The following TLE1 variants were observed in gnomAD, a reference collection of about 807,000 sequenced individuals.
TLE1 encodes the protein TLE family member 1, transcriptional corepressor.
Under a neutral mutation model 89.8 loss-of-function variants are expected in TLE1, and 21 were observed. The observed-to-expected ratio is 0.23, with a 90% confidence interval of 0.17 to 0.34. The LOEUF (loss-of-function observed/expected upper bound fraction) is 0.34, where lower values mean the gene tolerates loss of function less well. TLE1 is among the 10% of genes least tolerant of loss of function. The pLI is 1.00. For synonymous variants in TLE1, 447 were observed against 407.6 expected, an observed-to-expected ratio of 1.10 and a Z score of -1.16; for missense variants, 795 against 1,031.2, an observed-to-expected ratio of 0.77 and a Z score of 3.14.
chr9:81,651,462 G>A (rs1178261963), intron 6 of TLE1, among the ~76,000 whole-genome samples: 1 of 152,134 alleles, frequency 6.6e-6, no homozygotes, highest in South Asian at 2.1e-4. Flanking sequence ...CTGAACTCAA[G>A]AGAGGAGAGC....
chr9:81,584,327 A>G, intron 19 of TLE1, 22 bp from the exon 20 acceptor site: 1 of 1,611,646 alleles, frequency 6.2e-7, no homozygotes, highest in Admixed American at 1.7e-5. Context: ...AACAATGGAC[A>G]TGTGTTTAAT....
At chr9:81,643,985 T>G (rs1828497294) in intron 6 of TLE1, among the ~76,000 whole-genome samples, 1 of 152,184 alleles carries the variant, frequency 6.6e-6, no homozygotes, top group Admixed American at 6.5e-5. Flanking sequence ...ATACAGGTTT[T>G]GATTGAAAAG....
chr9:81,672,482 C>T (rs1246131400), intron 4 of TLE1, among the ~76,000 whole-genome samples: 84 of 142,528 alleles, frequency 5.9e-4, no homozygotes, highest in African/African-American at 2.0e-3. Flanking sequence ...TTTTTTGCTT[C>T]CCCAAATATT....
chr9:81,613,617 A>G, intron 11 of TLE1, 96 bp from the exon 12 acceptor site: 2 of 1,415,466 alleles, frequency 1.4e-6, no homozygotes, highest in Non-Finnish European at 1.9e-6. Flanking sequence ...GGCACCTTCT[A>G]GCTACTCCCT....
intron 9 of TLE1, among the ~76,000 whole-genome samples, chr9:81,618,325 T>C (rs904623712): frequency 1.3e-5 from 2 of 152,214 alleles, no homozygotes; most frequent in Non-Finnish European, 2.9e-5. Context: ...ATTATCCACA[T>C]TGGCCTTCTG....
chr9:81,598,118 C>G (rs1469833500), intron 14 of TLE1, among the ~76,000 whole-genome samples: 3 of 152,140 alleles, frequency 2.0e-5, no homozygotes, highest in Non-Finnish European at 4.4e-5. Flanking sequence ...GCTATATTAA[C>G]AAGGATCAAA....
At chr9:81,592,930 C>T in intron 15 of TLE1, 95 bp downstream of exon 15, 4 of 1,488,944 alleles carry the variant, frequency 2.7e-6, no homozygotes, top group Non-Finnish European at 3.6e-6. Flanking sequence ...CTTCTATTTC[C>T]TCATAATGGG....
At chr9:81,652,320 C>CA in intron 5 of TLE1, 32 bp from the exon 6 acceptor site, 1 of 1,598,202 alleles carries the variant, frequency 6.3e-7, no homozygotes, top group Non-Finnish European at 8.6e-7. Context: ...AGGGCATTAG[C>CA]AACAGCCAAA....
chr9:81,606,800 T>TAG lies in TLE1; in HGVS notation c.1331+3419_1331+3420insCT, dbSNP rs1488239039. Reference sequence around the variant, plus strand: ...TTAAAAAAAAAACCATATATATATATATAGAGAGAGAGGCAGTAAGATTGT... The same window carrying TAG: ...TTAAAAAAAAAACCATATATATATATAGATAGAGAGAGAGGCAGTAAGATTGT... On this transcript the variant is annotated intron_variant, in intron 14 of 19. Coordinates refer to ENST00000376499, the MANE Select transcript of TLE1 (RefSeq NM_005077.5). 9.0e-3 allele frequency among the ~76,000 whole-genome samples: 1,347 copies of TAG among 150,486 alleles called. 7 individuals carry two copies. Among genetic ancestry groups the TAG allele is most frequent in the Non-Finnish European group, 0.014 (950 of 67,286 alleles).
intron 16 of TLE1, 136 bp from the exon 17 acceptor site, chr9:81,587,964 TG>T (rs1828832240): frequency 1.3e-6 from 1 of 746,466 alleles, no homozygotes; most frequent in Non-Finnish European, 1.8e-6. Flanking sequence ...CAGTGTCTGC[TG>T]ATGTGCAAGA....
At chr9:81,640,645 G>C (rs1411740244) in intron 6 of TLE1, among the ~76,000 whole-genome samples, 1 of 152,230 alleles carries the variant, frequency 6.6e-6, no homozygotes, top group Non-Finnish European at 1.5e-5. Flanking sequence ...TCTCATCCAT[G>C]TCAAACAACA....
intron 8 of TLE1, among the ~76,000 whole-genome samples, chr9:81,629,368 C>A (rs1826291998): frequency 1.3e-5 from 2 of 152,030 alleles, no homozygotes; most frequent in Admixed American, 6.6e-5. Flanking sequence ...AATGGCCTTT[C>A]TTAGGTCATT....
chr9:81,627,983 C>T (rs2132277039), intron 8 of TLE1, among the ~76,000 whole-genome samples: 1 of 152,218 alleles, frequency 6.6e-6, no homozygotes, highest in East Asian at 1.9e-4. Context: ...CTTTGGGAGA[C>T]CAAGGTGGGA....
rs545481505 is a variant in TLE1 at position 81,591,816 on chromosome 9, G to T, written c.1582-764C>A. On this transcript the variant is annotated intron_variant, in intron 15 of 19. Coordinates refer to ENST00000376499, the MANE Select transcript of TLE1 (RefSeq NM_005077.5). ...AATGAAGACATTTTGAAGTTATTTG[G>T]TTTTTTTAAAAAATGCACTAATAAC... 4.6e-5 allele frequency among the ~76,000 whole-genome samples: 7 copies of T among 152,184 alleles called. No individual in the cohort carries two copies. In the East Asian group the frequency reaches 1.4e-3, roughly 29 times the overall value.
chr9:81,588,737 G>A (rs1029488593), intron 16 of TLE1, among the ~76,000 whole-genome samples: 1 of 152,096 alleles, frequency 6.6e-6, no homozygotes, highest in African/African-American at 2.4e-5. Context: ...GGAAGGTGGT[G>A]GGGGAGGCAG....
At chr9:81,637,597 G>C (rs1827554619) in intron 6 of TLE1, among the ~76,000 whole-genome samples, 1 of 150,996 alleles carries the variant, frequency 6.6e-6, no homozygotes, top group South Asian at 2.1e-4. Context: ...TCTGTTATTA[G>C]AGGTAACTGG....
chr9:81,640,779 C>G (rs930967426), intron 6 of TLE1, among the ~76,000 whole-genome samples: 1 of 152,204 alleles, frequency 6.6e-6, no homozygotes, highest in African/African-American at 2.4e-5. Flanking sequence ...AGTTTCTACA[C>G]ACAGTCACAG....
intron 4 of TLE1, among the ~76,000 whole-genome samples, chr9:81,677,391 C>A (rs1353730250): frequency 1.3e-5 from 2 of 151,818 alleles, no homozygotes; most frequent in East Asian, 3.9e-4. Flanking sequence ...TGATGAAATC[C>A]TGTCTCTACT....
intron 4 of TLE1, among the ~76,000 whole-genome samples, chr9:81,664,428 CCCA>C (rs2132823520): frequency 6.6e-6 from 1 of 152,292 alleles, no homozygotes; most frequent in South Asian, 2.1e-4. Flanking sequence ...TAAGATTTCT[CCCA>C]TCACAGTGCC....
Sources: gnomAD v4.1 joint callset for allele counts (sites outside exome capture counted in the v4.1 genomes callset) on GRCh38, gnomAD v4.1.1 for gene constraint, MANE v1.5 for transcripts, NCBI Gene and HGNC (gene_info 2026-07-23, HGNC 2026-07-21) for gene names.